ARHGAP32: variants seen among roughly 807,000 people sequenced by gnomAD.
ARHGAP32 encodes rho GTPase-activating protein 32.
Under a neutral mutation model 186.5 loss-of-function variants are expected in ARHGAP32, and 51 were observed. That is an observed-to-expected ratio of 0.27 (90% CI 0.22 to 0.35). The LOEUF (loss-of-function observed/expected upper bound fraction) is 0.35. Among genes scored for constraint, ARHGAP32 ranks in the 10% least tolerant of loss-of-function variants. The probability of loss-of-function intolerance (pLI) is 1.00; values close to 1 mark genes in which losing one functional copy is unlikely to be tolerated. For missense variants in ARHGAP32, 2,186 were observed against 2,623.5 expected (o/e 0.83, Z 3.64); for synonymous variants, 950 against 964.3 (o/e 0.99, Z 0.27).
chr11:129,215,334 C>A (rs902264116), intron 1 of ARHGAP32, among the ~76,000 whole-genome samples: 6 of 152,286 alleles, frequency 3.9e-5, no homozygotes, highest in African/African-American at 1.4e-4. Context: ...TGCTAGAACA[C>A]ATCCTAGCAC....
rs117062749 is a variant in ARHGAP32 at position 129,075,670 on chromosome 11, T to C, written c.532-8802A>G. ...ATCAACTGGATATAATTGATATTGA[T>C]AGAATACCTTAACAACAACGGATTA... On this transcript the variant is annotated intron_variant, in intron 6 of 22. Coordinates refer to ENST00000682385, the MANE Select transcript of ARHGAP32 (RefSeq NM_001378024.1). Among the ~76,000 whole-genome samples, 42 of 152,322 alleles carry C rather than the reference T, an allele frequency of 2.8e-4. No individual in the cohort carries two copies. The East Asian group carries it at 7.5e-3, about 27-fold the overall frequency.
At chr11:129,204,958 G>T (rs1944497902) in intron 1 of ARHGAP32, among the ~76,000 whole-genome samples, 1 of 152,096 alleles carries the variant, frequency 6.6e-6, no homozygotes, top group African/African-American at 2.4e-5. Flanking sequence ...AAACAGAGAA[G>T]CATTTTTCCC....
chr11:129,009,794 C>T (rs777174415), intron 11 of ARHGAP32, among the ~76,000 whole-genome samples: 21 of 152,018 alleles, frequency 1.4e-4, no homozygotes, highest in Non-Finnish European at 2.6e-4. Flanking sequence ...CTGCAGTGAA[C>T]GTACGGGTGC....
At chr11:129,221,490 T>TGC (rs1208712463) in intron 1 of ARHGAP32, among the ~76,000 whole-genome samples, 3 of 48,378 alleles carry the variant, frequency 6.2e-5, no homozygotes, top group African/African-American at 1.8e-4. Flanking sequence ...TGTGTGTGTG[T>TGC]GTGTGTGTGT....
intron 6 of ARHGAP32, among the ~76,000 whole-genome samples, chr11:129,090,833 A>T (rs1392231065): frequency 6.6e-6 from 1 of 152,160 alleles, no homozygotes; most frequent in East Asian, 1.9e-4. Context: ...GGGTTTATCT[A>T]ATTTTGGCCT....
chr11:129,198,569 G>C (rs1375845749), intron 1 of ARHGAP32, among the ~76,000 whole-genome samples: 2 of 151,086 alleles, frequency 1.3e-5, no homozygotes, highest in African/African-American at 4.9e-5. Context: ...TTCTCTCTTT[G>C]CTGGCTGCCA....
intron 1 of ARHGAP32, among the ~76,000 whole-genome samples, chr11:129,165,469 A>T (rs1182829183): frequency 2.0e-5 from 3 of 151,534 alleles, no homozygotes; most frequent in Non-Finnish European, 4.4e-5. Flanking sequence ...AAGCCTTGAC[A>T]GAATCAGAAG....
intron 2 of ARHGAP32, among the ~76,000 whole-genome samples, chr11:129,140,434 T>C (rs1376267960): frequency 1.3e-5 from 2 of 152,204 alleles, no homozygotes; most frequent in Non-Finnish European, 2.9e-5. Context: ...AAGCTTGTGA[T>C]AATTTCTTAT....
chr11:129,235,957 T>C (rs548287349), intron 1 of ARHGAP32, among the ~76,000 whole-genome samples: 3 of 144,680 alleles, frequency 2.1e-5, no homozygotes, highest in African/African-American at 7.9e-5. Flanking sequence ...ACATTTTCTT[T>C]ATCCACTCAT....
intron 11 of ARHGAP32, among the ~76,000 whole-genome samples, chr11:129,010,777 C>G (rs1488060770): frequency 2.0e-5 from 3 of 152,124 alleles, no homozygotes; most frequent in African/African-American, 7.2e-5. Flanking sequence ...TAGCTTTTGT[C>G]TGATAGTAAA....
At chr11:129,117,817 C>T (rs995816612) in intron 5 of ARHGAP32, among the ~76,000 whole-genome samples, 6 of 151,462 alleles carry the variant, frequency 4.0e-5, no homozygotes, top group South Asian at 2.1e-4. Context: ...GCAGGAACAG[C>T]GCTGCCTCAA....
intron 1 of ARHGAP32, among the ~76,000 whole-genome samples, chr11:129,244,819 A>G (rs1945069373): frequency 6.6e-6 from 1 of 152,198 alleles, no homozygotes; most frequent in Non-Finnish European, 1.5e-5. Flanking sequence ...AAAAGAAGAC[A>G]TTTATGCAGC....
At chr11:129,048,077 C>T (rs547361689) in intron 10 of ARHGAP32, among the ~76,000 whole-genome samples, 4 of 151,960 alleles carry the variant, frequency 2.6e-5, no homozygotes, top group Non-Finnish European at 4.4e-5. Context: ...TTCCCCCACC[C>T]CCCACTCTCC....
chr11:129,224,152 C>T (rs1404217206), intron 1 of ARHGAP32, among the ~76,000 whole-genome samples: 1 of 152,166 alleles, frequency 6.6e-6, no homozygotes, highest in Non-Finnish European at 1.5e-5. Context: ...GATGTCAGCA[C>T]CAATGTCCTA....
chr11:128,980,511 C>A, intron 18 of ARHGAP32, 42 bp downstream of exon 18: 1 of 1,469,352 alleles, frequency 6.8e-7, no homozygotes, highest in Non-Finnish European at 9.3e-7. Flanking sequence ...TAGGACATAG[C>A]TATGAAAATC....
In ARHGAP32 at chr11:128,985,948, G is replaced by A. The variant is rs769804286; in HGVS notation, c.1526+55C>T. The A allele has an allele frequency of 7.7e-6, 10 of 1,293,912 alleles. No individual in the cohort carries two copies. The East Asian group carries it at 1.2e-4, about 16-fold the overall frequency. The allele number at this position is 1,293,912 out of a possible 1,614,324, so 80.2% of individuals were successfully genotyped here. On this transcript the variant is annotated intron_variant, in intron 15 of 22. Coordinates refer to ENST00000682385, the MANE Select transcript of ARHGAP32 (RefSeq NM_001378024.1). The stretch of plus-strand genomic sequence containing the variant: ...ATAGAAATCCAAAGGAAAAAAAAAC[G>A]TTTACAGGTCAACCGACTTCTACCT...
At chr11:129,231,452 T>G (rs889244662) in intron 1 of ARHGAP32, among the ~76,000 whole-genome samples, 1 of 152,194 alleles carries the variant, frequency 6.6e-6, no homozygotes, top group Admixed American at 6.5e-5. Context: ...ACAAATTATA[T>G]ACAACTTTAA....
chr11:129,089,364 T>C (rs1248328586), intron 6 of ARHGAP32, among the ~76,000 whole-genome samples: 1 of 152,114 alleles, frequency 6.6e-6, no homozygotes, highest in Non-Finnish European at 1.5e-5. Flanking sequence ...TCTGAAGAAA[T>C]AAGGAGGGAT....
intron 2 of ARHGAP32, among the ~76,000 whole-genome samples, chr11:129,148,253 C>T (rs73581244): frequency 0.012 from 1,797 of 152,304 alleles, 39 homozygotes; most frequent in African/African-American, 0.041. Context: ...CAGCATGCCA[C>T]TGCAAATTGC....
Sources: gnomAD v4.1 joint callset for allele counts (sites outside exome capture counted in the v4.1 genomes callset) on GRCh38, gnomAD v4.1.1 for gene constraint, MANE v1.5 for transcripts, NCBI Gene and HGNC (gene_info 2026-07-23, HGNC 2026-07-21) for gene names.